The following MDGA2 variants were observed in gnomAD, a reference collection of about 807,000 sequenced individuals.
MDGA2 encodes the protein MAM domain-containing glycosylphosphatidylinositol anchor protein 2.
MDGA2 carries 40 observed loss-of-function variants against 117.8 expected under a neutral mutation model. That is an observed-to-expected ratio of 0.34 (90% confidence interval 0.26 to 0.44). The LOEUF (loss-of-function observed/expected upper bound fraction) is 0.44. Ranked by LOEUF, MDGA2 falls within the 20% of genes least tolerant of loss-of-function variation. The pLI is 1.00. For synonymous variants in MDGA2, 452 were observed against 439.0 expected, an observed-to-expected ratio of 1.03 and a Z score of -0.37; for missense variants, 1,123 against 1,250.6, an observed-to-expected ratio of 0.90 and a Z score of 1.54.
rs768294746 is a variant in MDGA2 at position 47,614,095 on chromosome 14, C to CTT, written c.280+60420_280+60421dup. On this transcript the variant is annotated intron_variant, in intron 1 of 16. Transcript: ENST00000399232. ...ATTGGTTATTCTTGTTTTCTTTTTT[C>CTT]TTTTTTTTTTTTTTTTTGACAGTGT... 4.6e-3 allele frequency among the ~76,000 whole-genome samples: 463 copies of CTT among 101,664 alleles called. 6 individuals are homozygous for CTT. Among genetic ancestry groups the CTT allele is most frequent in the African/African-American group, 0.016 (432 of 26,552 alleles). The allele number at this position is 101,664 out of a possible 152,430, so 66.7% of individuals were successfully genotyped here. A position where few individuals can be genotyped will look rare whatever the true frequency, so the allele number is the denominator to read the frequency against.
chr14:47,104,392 C>A (rs1333671218), intron 5 of MDGA2, among the ~76,000 whole-genome samples: 3 of 150,050 alleles, frequency 2.0e-5, no homozygotes, highest in Admixed American at 6.6e-5. Flanking sequence ...TGTGAAAGTC[C>A]TTTTCCTGGC....
intron 10 of MDGA2, among the ~76,000 whole-genome samples, chr14:46,912,592 C>A (rs1883748379): frequency 6.6e-6 from 1 of 152,156 alleles, no homozygotes; most frequent in Non-Finnish European, 1.5e-5. Context: ...ATGTCAATAA[C>A]TTAACCCTCT....
chr14:47,255,915 T>A (rs893603747), intron 2 of MDGA2, among the ~76,000 whole-genome samples: 16 of 152,052 alleles, frequency 1.1e-4, no homozygotes, highest in Admixed American at 3.3e-4. Flanking sequence ...AGGTGTTAAC[T>A]GATGTTATCC....
chr14:47,142,891 A>C (rs1481516054), intron 4 of MDGA2, among the ~76,000 whole-genome samples: 1 of 152,170 alleles, frequency 6.6e-6, no homozygotes, highest in African/African-American at 2.4e-5. Context: ...TGGTAAGTTA[A>C]AACTGTTCTA....
intron 1 of MDGA2, among the ~76,000 whole-genome samples, chr14:47,329,143 G>C (rs557998854): frequency 6.6e-6 from 1 of 152,164 alleles, no homozygotes; most frequent in East Asian, 1.9e-4. Flanking sequence ...TGTTGCCCAG[G>C]TTGGTCTTGA....
chr14:47,315,949 A>C (rs911261279), intron 1 of MDGA2, among the ~76,000 whole-genome samples: 2 of 151,270 alleles, frequency 1.3e-5, no homozygotes, highest in African/African-American at 2.4e-5. Context: ...AACAAAAAAC[A>C]AACAAAAAAA....
At chr14:47,485,039 C>G (rs1894030656) in intron 1 of MDGA2, among the ~76,000 whole-genome samples, 1 of 152,034 alleles carries the variant, frequency 6.6e-6, no homozygotes, top group Non-Finnish European at 1.5e-5. Context: ...GAAAAGACAT[C>G]CAAAAATGTG....
At chr14:47,196,839 T>C (rs898017963) in intron 3 of MDGA2, among the ~76,000 whole-genome samples, 2 of 152,148 alleles carry the variant, frequency 1.3e-5, no homozygotes, top group African/African-American at 4.8e-5. Flanking sequence ...CCTCAAGCAG[T>C]CCCCAGTCTA....
intron 5 of MDGA2, among the ~76,000 whole-genome samples, chr14:47,107,969 T>A (rs1047401103): frequency 1.4e-4 from 21 of 148,912 alleles, no homozygotes; most frequent in Middle Eastern, 3.5e-3. Context: ...CCCACCTCTA[T>A]ACAGTCTGAT....
chr14:46,936,982 T>C (rs1884805571), intron 9 of MDGA2, among the ~76,000 whole-genome samples: 1 of 151,948 alleles, frequency 6.6e-6, no homozygotes, highest in Admixed American at 6.6e-5. Context: ...GGCATCCAAA[T>C]TGGAAAAGAG....
In MDGA2 at chr14:47,665,452, C is replaced by T. The variant is rs138063642; in HGVS notation, c.280+9065G>A. Among the ~76,000 whole-genome samples the T allele has an allele frequency of 8.1e-4, 124 of 152,318 alleles. No individual in the cohort carries two copies. In the East Asian group the frequency reaches 0.014, roughly 17 times the overall value. On this transcript the variant is annotated intron_variant, in intron 1 of 16. Transcript: ENST00000399232. The stretch of plus-strand genomic sequence containing the variant: ...GCCACGCTTGAGGAGCCCTTCAGTC[C>T]GCCGCTGCACCGTGGGAGCCCTTCT...
intron 1 of MDGA2, among the ~76,000 whole-genome samples, chr14:47,352,715 A>G (rs1352450418): frequency 2.6e-5 from 4 of 152,234 alleles, no homozygotes; most frequent in African/African-American, 9.6e-5. Context: ...AGTTACTACA[A>G]TACTATTCCC....
chr14:47,484,333 A>G lies in MDGA2; in HGVS notation c.281-182783T>C, dbSNP rs902538111. The stretch of plus-strand genomic sequence containing the variant: ...TCAGTTTTCATACAAATATAGAGGG[A>G]TATTTTACAAGGTTGCAAAATAAAG... On this transcript the variant is annotated intron_variant, in intron 1 of 16. Coordinates refer to ENST00000399232, the MANE Select transcript of MDGA2 (RefSeq NM_001113498.3). Among the ~76,000 whole-genome samples, 7 of 152,298 alleles carry G rather than the reference A, an allele frequency of 4.6e-5. No individual in the cohort carries two copies. In the East Asian group the frequency reaches 1.4e-3, roughly 29 times the overall value.
intron 1 of MDGA2, among the ~76,000 whole-genome samples, chr14:47,658,420 T>A (rs1897784780): frequency 6.6e-6 from 1 of 152,042 alleles, no homozygotes; most frequent in African/African-American, 2.4e-5. Context: ...TTAGAATTGC[T>A]AGCTAAGGGT....
chr14:46,896,019 T>A (rs971333244), intron 10 of MDGA2, among the ~76,000 whole-genome samples: 10 of 152,182 alleles, frequency 6.6e-5, no homozygotes, highest in African/African-American at 2.4e-4. Flanking sequence ...AAATTATTTA[T>A]AATAATAGCT....
chr14:47,287,754 C>T (rs1365190142), intron 2 of MDGA2, among the ~76,000 whole-genome samples: 1 of 152,086 alleles, frequency 6.6e-6, no homozygotes, highest in East Asian at 1.9e-4. Context: ...TACCTCACAA[C>T]GTGATGTTAC....
At chr14:46,916,337 C>T (rs1452767065) in intron 10 of MDGA2, among the ~76,000 whole-genome samples, 1 of 152,096 alleles carries the variant, frequency 6.6e-6, no homozygotes, top group African/African-American at 2.4e-5. Context: ...CGAGCCTTGG[C>T]TCAGCTACTA....
intron 1 of MDGA2, among the ~76,000 whole-genome samples, chr14:47,354,640 T>G (rs1890953239): frequency 6.6e-6 from 1 of 152,192 alleles, no homozygotes; most frequent in African/African-American, 2.4e-5. Context: ...GGCACTGCTT[T>G]GAGAACTATC....
intron 6 of MDGA2, among the ~76,000 whole-genome samples, chr14:47,074,615 T>C (rs571981319): frequency 6.6e-5 from 10 of 152,300 alleles, no homozygotes; most frequent in African/African-American, 2.2e-4. Context: ...CTTTTAACAA[T>C]TGCCAGGGAG....
Sources: gnomAD v4.1 joint callset for allele counts (sites outside exome capture counted in the v4.1 genomes callset) on GRCh38, gnomAD v4.1.1 for gene constraint, MANE v1.5 for transcripts, NCBI Gene and HGNC (gene_info 2026-07-23, HGNC 2026-07-21) for gene names.